Variants in AUTS2 observed in about 807,000 individuals in gnomAD.
The protein encoded by AUTS2 is autism susceptibility gene 2 protein.
Under a neutral mutation model 112.4 loss-of-function variants are expected in AUTS2, and 17 were observed. The observed-to-expected ratio is 0.15, with a 90% confidence interval of 0.10 to 0.23. The LOEUF (loss-of-function observed/expected upper bound fraction) is 0.23. Ranked by LOEUF, AUTS2 falls within the 10% of genes least tolerant of loss-of-function variation. The pLI, the probability that AUTS2 is intolerant of heterozygous loss-of-function variation, is 1.00. For synonymous variants in AUTS2, 751 were observed against 702.7 expected (o/e 1.07, Z -1.09); for missense variants, 1,510 against 1,701.6 (o/e 0.89, Z 1.98).
intron 5 of AUTS2, among the ~76,000 whole-genome samples, chr7:70,582,807 A>G (rs1212695131): frequency 6.6e-6 from 1 of 152,130 alleles, no homozygotes; most frequent in Non-Finnish European, 1.5e-5. Context: ...ACTTTTGTTC[A>G]TATTGTCCCA....
intron 2 of AUTS2, among the ~76,000 whole-genome samples, chr7:69,966,029 C>G (rs1481977061): frequency 2.0e-5 from 3 of 152,108 alleles, no homozygotes; most frequent in Non-Finnish European, 1.5e-5. Context: ...GAGGGTCTTT[C>G]AGTGGTAATC....
chr7:70,531,590 G>A (rs1008005104), intron 5 of AUTS2, among the ~76,000 whole-genome samples: 3 of 152,082 alleles, frequency 2.0e-5, no homozygotes, highest in African/African-American at 7.2e-5. Flanking sequence ...GAAAGGGCTT[G>A]GGGGTGGGGT....
intron 5 of AUTS2, among the ~76,000 whole-genome samples, chr7:70,579,784 C>T (rs540401584): frequency 2.0e-5 from 3 of 152,150 alleles, no homozygotes; most frequent in South Asian, 2.1e-4. Flanking sequence ...TTTAGTGCCT[C>T]GTTTGTCACT....
At chr7:70,775,171 G>T in intron 12 of AUTS2, 186 bp from the exon 13 acceptor site, 1 of 601,788 alleles carries the variant, frequency 1.7e-6, no homozygotes, top group Non-Finnish European at 2.9e-6. Flanking sequence ...CTTGTGAAGT[G>T]GGGGAGGGGA....
intron 2 of AUTS2, among the ~76,000 whole-genome samples, chr7:70,081,935 A>AGTGTGT (rs3049737): frequency 3.1e-4 from 45 of 146,878 alleles, no homozygotes; most frequent in East Asian, 1.2e-3. Flanking sequence ...TTCTGTGAAG[A>AGTGTGT]GTGTGTGTGT....
intron 2 of AUTS2, among the ~76,000 whole-genome samples, chr7:69,972,990 C>T (rs1370152732): frequency 1.3e-5 from 2 of 151,766 alleles, no homozygotes; most frequent in Non-Finnish European, 1.5e-5. Flanking sequence ...AAAATCTTTC[C>T]GGTGTTTTGA....
At chr7:69,701,644 A>T (rs950655096) in intron 1 of AUTS2, among the ~76,000 whole-genome samples, 3 of 152,226 alleles carry the variant, frequency 2.0e-5, no homozygotes, top group Non-Finnish European at 2.9e-5. Context: ...TGAAATAAGG[A>T]TAAGAGGGAT....
chr7:70,172,214 A>T (rs1271344186), intron 4 of AUTS2, among the ~76,000 whole-genome samples: 1 of 152,084 alleles, frequency 6.6e-6, no homozygotes, highest in African/African-American at 2.4e-5. Context: ...GTTCCCCAGC[A>T]TTTACAGGAT....
At chr7:70,598,957 G>A (rs1420088220) in intron 5 of AUTS2, among the ~76,000 whole-genome samples, 1 of 152,176 alleles carries the variant, frequency 6.6e-6, no homozygotes, top group Non-Finnish European at 1.5e-5. Flanking sequence ...AACAAGACAT[G>A]AACAGGCCTA....
chr7:70,775,423 T>C lies in AUTS2; in HGVS notation c.1932+37T>C, dbSNP rs1585669873. 5.8e-6 allele frequency: 9 copies of C among 1,552,704 alleles called. No homozygotes were observed. The East Asian group carries it at 1.6e-4, about 27-fold the overall frequency. ...TCTTATAGAACTGTTTTGCAACCTC[T>C]ATTTGACTCCCTGTGGGTTAAAAAT... On this transcript the variant is annotated intron_variant, in intron 13 of 18. Coordinates refer to ENST00000342771, the MANE Select transcript of AUTS2 (RefSeq NM_015570.4).
rs548364506 is a variant in AUTS2 at position 70,671,948 on chromosome 7, G to A, written c.691-26621G>A. 7.9e-5 allele frequency among the ~76,000 whole-genome samples: 12 copies of A among 152,324 alleles called. No individual in the cohort carries two copies. In the South Asian group the frequency reaches 2.5e-3, roughly 32 times the overall value. On this transcript the variant is annotated intron_variant, in intron 5 of 18. Transcript: ENST00000342771. ...ATCCCAGCAGACTGAGGACCAGAAC[G>A]AAAGCCGTGGCAGTGAGAGTGGAAG...
At chr7:69,613,522 A>T (rs1268154974) in intron 1 of AUTS2, among the ~76,000 whole-genome samples, 1 of 152,190 alleles carries the variant, frequency 6.6e-6, no homozygotes. Context: ...CAGGCTGATG[A>T]TATAGAGGGT....
chr7:70,394,584 C>T (rs1794003746), intron 4 of AUTS2, among the ~76,000 whole-genome samples: 1 of 152,184 alleles, frequency 6.6e-6, no homozygotes. Context: ...GGATAAGACG[C>T]ATTGCTACCA....
At chr7:69,949,126 G>A (rs1263332244) in intron 2 of AUTS2, among the ~76,000 whole-genome samples, 1 of 152,070 alleles carries the variant, frequency 6.6e-6, no homozygotes, top group African/African-American at 2.4e-5. Flanking sequence ...ATTTTTATTA[G>A]TCACCTAGCC....
At chr7:70,773,983 C>A (rs1173769339) in intron 11 of AUTS2, 45 bp from the exon 12 acceptor site, 2 of 1,573,454 alleles carry the variant, frequency 1.3e-6, no homozygotes, top group South Asian at 2.2e-5. Flanking sequence ...TTCATGTCAC[C>A]TGTTTTGTGC....
intron 12 of AUTS2, chr7:70,774,448 T>C (rs1264134188): frequency 4.3e-6 from 1 of 232,668 alleles, no homozygotes; most frequent in East Asian, 9.5e-5. Flanking sequence ...AGCTACAGAA[T>C]GTTTTGAATG....
intron 6 of AUTS2, among the ~76,000 whole-genome samples, chr7:70,726,343 T>A (rs1585578752): frequency 6.7e-6 from 1 of 148,304 alleles, no homozygotes; most frequent in Admixed American, 6.7e-5. Context: ...TGGCATTTCT[T>A]AAAAAAAAAA....
intron 1 of AUTS2, among the ~76,000 whole-genome samples, chr7:69,744,697 G>C (rs887806318): frequency 1.3e-5 from 2 of 151,870 alleles, no homozygotes; most frequent in African/African-American, 2.4e-5. Context: ...ATTAGCCGAT[G>C]TGGTGGCATA....
intron 5 of AUTS2, among the ~76,000 whole-genome samples, chr7:70,476,457 A>C (rs1797587066): frequency 6.6e-6 from 1 of 152,230 alleles, no homozygotes; most frequent in South Asian, 2.1e-4. Context: ...GAGTCTTTCC[A>C]GCAGAGGTGA....
Sources: allele counts gnomAD v4.1 joint callset (sites outside exome capture counted in the v4.1 genomes callset), GRCh38; gene constraint gnomAD v4.1.1; transcripts MANE v1.5; gene names NCBI Gene and HGNC (gene_info 2026-07-23, HGNC 2026-07-21).